RGS22: variants seen among roughly 807,000 people sequenced by gnomAD.
RGS22 encodes the protein regulator of G protein signaling 22, also known as regulator of G-protein signaling 22.
Under a neutral mutation model 172.9 loss-of-function variants are expected in RGS22, and 148 were observed. That is an observed-to-expected ratio of 0.86 (90% CI 0.75 to 0.98). RGS22 has a LOEUF of 0.98. RGS22 is among the 50% of genes least tolerant of loss of function. The pLI, the probability that RGS22 is intolerant of heterozygous loss-of-function variation, is 0.00. For missense variants in RGS22, 1,347 were observed against 1,440.8 expected (o/e 0.93, Z 1.05); for synonymous variants, 458 against 480.2 (o/e 0.95, Z 0.60).
Position 100,039,002 on chromosome 8 carries a change from C to G in RGS22, c.2095G>C (p.Asp699His), listed in dbSNP as rs1303788802. ...LWKNSVYFWF[D>H]LQAYHQLFYQ... Reference sequence around the variant, plus strand: ...AAAAGCTGATGATAAGCCTGCAGGTCAAACCAAAAGTACACACTGTTCTTC... The same window carrying G: ...AAAAGCTGATGATAAGCCTGCAGGTGAAACCAAAAGTACACACTGTTCTTC... The change falls in exon 14 of 28, where the codon GAC (aspartate) becomes CAC (histidine). Residue 699 changes from aspartate (D) to histidine (H), a missense_variant. Asp to His is a moderately conservative substitution (Grantham distance 81). Coordinates refer to ENST00000360863, the MANE Select transcript of RGS22 (RefSeq NM_015668.5). The G allele has an allele frequency of 6.2e-7, 1 of 1,611,840 alleles. No homozygotes were observed. Among genetic ancestry groups the G allele is most frequent in the East Asian group, 2.2e-5 (1 of 44,834 alleles).
intron 13 of RGS22, 86 bp from the exon 14 acceptor site, chr8:100,039,118 T>C: frequency 1.6e-6 from 1 of 635,010 alleles, no homozygotes; most frequent in Non-Finnish European, 2.6e-6. Flanking sequence ...AGTAACTGTT[T>C]AGCTCCTTGC....
At chr8:100,066,360 G>A in intron 6 of RGS22, 64 bp from the exon 7 acceptor site, 4 of 1,309,468 alleles carry the variant, frequency 3.1e-6, no homozygotes, top group Admixed American at 1.9e-5. Context: ...TCACAAACCT[G>A]GAAAAATCAT....
Position 99,962,729 on chromosome 8 carries a change from T to A in RGS22, c.3748A>T (p.Thr1250Ser), listed in dbSNP as rs369736446. ...GACATATTCTTTTTCAAAGACATAG[T>A]TGAAGAGCTAGCCTTAAAATTTGTG... ...PLTNFKASSS[T>S]MSLKKNMSAH... Residue 1250 changes from threonine to serine, a missense_variant, in exon 26 of 28, where the codon ACT (threonine) becomes TCT (serine). By Grantham distance (58) the Thr-to-Ser change is moderately conservative. Coordinates refer to ENST00000360863, the MANE Select transcript of RGS22 (RefSeq NM_015668.5). 1 of 1,612,366 alleles carries A rather than the reference T, an allele frequency of 6.2e-7. No homozygotes were observed. Among genetic ancestry groups the A allele is most frequent in the East Asian group, 2.2e-5 (1 of 44,868 alleles).
intron 22 of RGS22, among the ~76,000 whole-genome samples, chr8:99,979,180 C>G (rs1812284345): frequency 6.6e-6 from 1 of 152,124 alleles, no homozygotes; most frequent in South Asian, 2.1e-4. Context: ...GTTAAGGGAT[C>G]ATGGCAGTTT....
intron 2 of RGS22, 144 bp downstream of exon 2, chr8:100,105,230 C>T: frequency 1.5e-6 from 1 of 656,000 alleles, no homozygotes; most frequent in Admixed American, 2.8e-5. Context: ...TTAAAAAGAT[C>T]TTGTACACAG....
At chr8:100,076,112 G>A (rs531675350) in intron 4 of RGS22, among the ~76,000 whole-genome samples, 2 of 152,144 alleles carry the variant, frequency 1.3e-5, no homozygotes, top group African/African-American at 4.8e-5. Flanking sequence ...TATTTTTATA[G>A]TTTAGATACA....
At chr8:100,105,019 T>C (rs1367011792) in intron 2 of RGS22, among the ~76,000 whole-genome samples, 1 of 152,232 alleles carries the variant, frequency 6.6e-6, no homozygotes, top group Non-Finnish European at 1.5e-5. Context: ...ATCAACGCCA[T>C]TTACTTATGT....
chr8:100,013,961 A>C (rs142320247), intron 14 of RGS22, among the ~76,000 whole-genome samples: 1 of 152,336 alleles, frequency 6.6e-6, no homozygotes, highest in East Asian at 1.9e-4. Context: ...GCTGCAATCA[A>C]AAAGTTTGTT....
intron 3 of RGS22, among the ~76,000 whole-genome samples, chr8:100,082,862 T>C (rs188735148): frequency 1.2e-4 from 19 of 152,326 alleles, no homozygotes; most frequent in African/African-American, 4.3e-4. Flanking sequence ...CTGGTTTTAC[T>C]AGTAAAGGCA....
intron 19 of RGS22, 24 bp downstream of exon 19, chr8:99,999,238 A>G (rs765385643): frequency 1.9e-6 from 3 of 1,604,500 alleles, no homozygotes; most frequent in East Asian, 2.2e-5. Flanking sequence ...AACTGCTATC[A>G]AAAGATTATA....
At chr8:100,063,391 T>C (rs1810295087) in intron 8 of RGS22, 25 bp downstream of exon 8, 15 of 1,469,022 alleles carry the variant, frequency 1.0e-5, no homozygotes, top group Non-Finnish European at 1.3e-5. Context: ...TTTAAAACTA[T>C]TGAAAAATAA....
Position 100,080,152 on chromosome 8 carries a change from A to G in RGS22, c.321T>C (p.Asn107=). The G allele has an allele frequency of 6.2e-7, 1 of 1,604,516 alleles. No homozygotes were observed. The highest frequency in any genetic ancestry group is 2.2e-5 in the East Asian group (1 of 44,784). Residue 107 remains asparagine (N), a synonymous_variant, in exon 4 of 28, where the codon AAT becomes AAC. Transcript: ENST00000360863. ...TTCTTACCATAATATTGTAGTTGACATTAATGGTCTCATCTTCATCGGGGG... is the reference window on the plus strand; with the variant it reads ...TTCTTACCATAATATTGTAGTTGACGTTAATGGTCTCATCTTCATCGGGGG... ...MNAPDEDETI[N]VNYNIMCLSR... is the part of the protein sequence containing the mutation.
At chr8:100,027,127 G>A (rs549861527) in intron 14 of RGS22, among the ~76,000 whole-genome samples, 7 of 152,166 alleles carry the variant, frequency 4.6e-5, no homozygotes, top group Admixed American at 3.3e-4. Context: ...ATCATAGGGG[G>A]CACCGAGGTG....
chr8:99,979,267 C>G (rs1335217482), intron 22 of RGS22, among the ~76,000 whole-genome samples: 1 of 152,128 alleles, frequency 6.6e-6, no homozygotes, highest in African/African-American at 2.4e-5. Flanking sequence ...AAACCTGAGT[C>G]AGTCCCAGTT....
chr8:100,062,354 A>G (rs1250948004), intron 9 of RGS22, among the ~76,000 whole-genome samples: 1 of 152,174 alleles, frequency 6.6e-6, no homozygotes, highest in African/African-American at 2.4e-5. Context: ...TGAAAAAAAA[A>G]AAGAATATGC....
rs147991260 is a variant in RGS22, at chr8:99,975,990, G to A, written c.3519+1927C>T. ...GGATCACTGGAGGTCAAGAGTTCGCGACCAGCATGGCCAACATGGTGAAAC... is the reference window on the plus strand; with the variant it reads ...GGATCACTGGAGGTCAAGAGTTCGCAACCAGCATGGCCAACATGGTGAAAC... On this transcript the variant is annotated intron_variant, in intron 23 of 27. Coordinates refer to ENST00000360863, the MANE Select transcript of RGS22 (RefSeq NM_015668.5). Among the ~76,000 whole-genome samples the A allele has an allele frequency of 3.8e-3, 574 of 152,168 alleles. 4 individuals carry two copies. Among genetic ancestry groups the A allele is most frequent in the African/African-American group, 0.013 (550 of 41,526 alleles).
chr8:100,046,240 T>C (rs557739303), intron 11 of RGS22: 14 of 152,290 alleles, frequency 9.2e-5, no homozygotes, highest in Admixed American at 2.6e-4. Context: ...CTTGAGTTCA[T>C]AGAGAATAAT....
intron 21 of RGS22, among the ~76,000 whole-genome samples, chr8:99,984,911 C>T (rs1812922779): frequency 1.3e-5 from 2 of 152,046 alleles, no homozygotes; most frequent in Admixed American, 1.3e-4. Flanking sequence ...TGATTATTCT[C>T]CTGGAACATT....
chr8:100,105,011 C>A (rs1007049632), intron 2 of RGS22, among the ~76,000 whole-genome samples: 2 of 152,218 alleles, frequency 1.3e-5, no homozygotes, highest in Non-Finnish European at 2.9e-5. Context: ...CTTTATCCAT[C>A]AACGCCATTT....
Sources: allele counts gnomAD v4.1 joint callset (sites outside exome capture counted in the v4.1 genomes callset), GRCh38; gene constraint gnomAD v4.1.1; transcripts MANE v1.5; gene names NCBI Gene and HGNC (gene_info 2026-07-23, HGNC 2026-07-21).